The following SRRM4 variants were observed in gnomAD, a reference collection of about 807,000 sequenced individuals.
The protein encoded by SRRM4 is serine/arginine repetitive matrix 4.
Under a neutral mutation model 68.9 loss-of-function variants are expected in SRRM4, and 33 were observed. The ratio of observed to expected loss-of-function variants is 0.48; its 90% CI spans 0.36 to 0.64. SRRM4 has a LOEUF of 0.64. Ranked by LOEUF, SRRM4 falls within the 30% of genes least tolerant of loss-of-function variation. SRRM4 has a pLI of 0.00. For synonymous variants in SRRM4, 318 were observed against 318.8 expected, an observed-to-expected ratio of 1.00 and a Z score of 0.03; for missense variants, 817 against 827.1, an observed-to-expected ratio of 0.99 and a Z score of 0.15.
At chr12:119,122,340 G>C (rs527560318) in intron 6 of SRRM4, among the ~76,000 whole-genome samples, 109 of 120,036 alleles carry the variant, frequency 9.1e-4, no homozygotes, top group African/African-American at 3.8e-3. Context: ...GGAAGGAAGG[G>C]GAGAGGGAGG....
At chr12:119,094,181 G>T (rs1311691933) in intron 1 of SRRM4, among the ~76,000 whole-genome samples, 1 of 152,028 alleles carries the variant, frequency 6.6e-6, no homozygotes, top group Non-Finnish European at 1.5e-5. Context: ...CCTGACAACT[G>T]GACTAAGCCA....
Position 119,162,698 on chromosome 12 carries a change from G to A in SRRM4, c.*5900G>A, listed in dbSNP as rs1954522519. The A allele has an allele frequency of 6.6e-6, 1 of 152,122 alleles. No individual in the cohort carries two copies. Among genetic ancestry groups the A allele is most frequent in the Non-Finnish European group, 1.5e-5 (1 of 68,042 alleles). The allele number at this position is 152,122 out of a possible 1,614,324, so 9.4% of individuals were successfully genotyped here. ...ATTTCCTCAAGCAATGATTGGCCAA[G>A]GACCTAGCATAATCCACCACATTGG... On this transcript the variant is annotated 3_prime_UTR_variant, in exon 13 of 13. Transcript: ENST00000267260.
At chr12:118,982,516 C>T (rs1174213969) in intron 1 of SRRM4, among the ~76,000 whole-genome samples, 1 of 152,028 alleles carries the variant, frequency 6.6e-6, no homozygotes, top group Non-Finnish European at 1.5e-5. Flanking sequence ...TCAAATACAC[C>T]CAAAACAGCA....
At chr12:119,119,956 T>A (rs1291822764) in intron 4 of SRRM4, among the ~76,000 whole-genome samples, 1 of 152,010 alleles carries the variant, frequency 6.6e-6, no homozygotes, top group African/African-American at 2.4e-5. Context: ...GTATCTCCCA[T>A]ACAATTTTCA....
intron 1 of SRRM4, among the ~76,000 whole-genome samples, chr12:119,010,858 TG>T: frequency 6.6e-6 from 1 of 152,186 alleles, no homozygotes; most frequent in South Asian, 2.1e-4. Context: ...GTTGAAAAAA[TG>T]CAGTAAATTC....
chr12:119,139,545 C>A (rs747840016), intron 8 of SRRM4, among the ~76,000 whole-genome samples: 7 of 152,170 alleles, frequency 4.6e-5, no homozygotes, highest in Non-Finnish European at 1.0e-4. Flanking sequence ...AAGTAGAGTT[C>A]AGCTGAAAAG....
At chr12:118,990,621 G>A (rs1261396751) in intron 1 of SRRM4, among the ~76,000 whole-genome samples, 1 of 152,090 alleles carries the variant, frequency 6.6e-6, no homozygotes, top group African/African-American at 2.4e-5. Flanking sequence ...CTTGTTTTAT[G>A]TTCAATCAGT....
intron 1 of SRRM4, among the ~76,000 whole-genome samples, chr12:119,022,149 C>T (rs930022907): frequency 6.6e-6 from 1 of 151,568 alleles, no homozygotes; most frequent in Non-Finnish European, 1.5e-5. Flanking sequence ...GCACATTCTG[C>T]CCGTATCCTG....
intron 8 of SRRM4, among the ~76,000 whole-genome samples, chr12:119,131,790 C>T (rs1393493859): frequency 2.0e-5 from 3 of 152,128 alleles, no homozygotes; most frequent in Non-Finnish European, 4.4e-5. Context: ...AAGAGACAGA[C>T]GAACAGGAAG....
At chr12:118,982,674 T>TG (rs1555212608) in intron 1 of SRRM4, among the ~76,000 whole-genome samples, 25 of 121,578 alleles carry the variant, frequency 2.1e-4, no homozygotes, top group African/African-American at 7.8e-4. Flanking sequence ...ATTTTGTTTT[T>TG]TTTTGTTTTT....
chr12:119,061,413 G>A (rs1212379062), intron 1 of SRRM4, among the ~76,000 whole-genome samples: 6 of 152,112 alleles, frequency 3.9e-5, no homozygotes, highest in African/African-American at 9.7e-5. Flanking sequence ...CAGCACCAGG[G>A]ACAGCGACCA....
At position 118,994,794 on chromosome 12, in the gene SRRM4, T is replaced by C. The variant is rs1475131620; in HGVS notation, c.131+12781T>C. On this transcript the variant is annotated intron_variant, in intron 1 of 12. Transcript: ENST00000267260. ...AGTGGTTGCTGATTCCTGGTATGAC[T>C]GAGTATTTGCAATGGTTGCCTTTGG... 5.3e-5 allele frequency among the ~76,000 whole-genome samples: 8 copies of C among 152,214 alleles called. No individual in the cohort carries two copies. The South Asian group carries it at 1.7e-3, about 32-fold the overall frequency.
intron 1 of SRRM4, among the ~76,000 whole-genome samples, chr12:118,990,926 T>C (rs1313697580): frequency 3.9e-5 from 6 of 152,174 alleles, no homozygotes; most frequent in Admixed American, 6.5e-5. Flanking sequence ...CTCAAGGAAT[T>C]CTCCTGCCTA....
At chr12:119,036,305 A>G (rs1261753437) in intron 1 of SRRM4, among the ~76,000 whole-genome samples, 1 of 152,060 alleles carries the variant, frequency 6.6e-6, no homozygotes, top group Non-Finnish European at 1.5e-5. Flanking sequence ...TTTGATCTCA[A>G]TGTCTTTGAT....
chr12:119,124,155 C>T (rs905737793), intron 6 of SRRM4: 1 of 152,144 alleles, frequency 6.6e-6, no homozygotes, highest in Admixed American at 6.5e-5. Flanking sequence ...GAATACAGTG[C>T]CTGGCATGAA....
At chr12:119,140,954 G>A (rs1376132702) in intron 8 of SRRM4, among the ~76,000 whole-genome samples, 2 of 152,270 alleles carry the variant, frequency 1.3e-5, no homozygotes, top group East Asian at 3.9e-4. Context: ...ATATTTCAAA[G>A]TAACTAGAAG....
intron 1 of SRRM4, among the ~76,000 whole-genome samples, chr12:118,989,153 G>T (rs1953300652): frequency 6.6e-6 from 1 of 151,106 alleles, no homozygotes; most frequent in South Asian, 2.1e-4. Flanking sequence ...GTCCCAGGAG[G>T]GTTCTTGCCT....
intron 8 of SRRM4, among the ~76,000 whole-genome samples, chr12:119,144,218 C>T (rs751063503): frequency 6.8e-4 from 103 of 152,108 alleles, no homozygotes; most frequent in Non-Finnish European, 2.1e-4. Context: ...CTCCCTCCCT[C>T]GTGCCCCCTC....
intron 1 of SRRM4, among the ~76,000 whole-genome samples, chr12:119,048,946 G>C (rs1953724526): frequency 6.6e-6 from 1 of 152,078 alleles, no homozygotes; most frequent in Non-Finnish European, 1.5e-5. Flanking sequence ...AACAGCAATT[G>C]CATCAAGAAG....
Sources: allele counts gnomAD v4.1 joint callset (sites outside exome capture counted in the v4.1 genomes callset), GRCh38; gene constraint gnomAD v4.1.1; transcripts MANE v1.5; gene names NCBI Gene and HGNC (gene_info 2026-07-23, HGNC 2026-07-21).